NLK: variants seen among roughly 807,000 people sequenced by gnomAD.
NLK encodes the protein serine/threonine-protein kinase NLK.
In NLK, 11 loss-of-function variants were observed where a neutral mutation model predicts 59.0. That is an observed-to-expected ratio of 0.19 (90% CI 0.12 to 0.31). NLK has a LOEUF of 0.31. Ranked by LOEUF, NLK falls within the 10% of genes least tolerant of loss-of-function variation. The pLI is 1.00. For missense variants in NLK, 410 were observed against 661.1 expected (o/e 0.62, Z 4.16); for synonymous variants, 235 against 235.9 (o/e 1.00, Z 0.03).
intron 1 of NLK, among the ~76,000 whole-genome samples, chr17:28,064,214 TC>T (rs1223745258): frequency 7.2e-6 from 1 of 139,226 alleles, no homozygotes; most frequent in Non-Finnish European, 1.5e-5. Flanking sequence ...AGACAAGGTC[TC>T]ACTGTCTTGA....
chr17:28,055,522 G>T (rs546160187), intron 1 of NLK, among the ~76,000 whole-genome samples: 50 of 151,712 alleles, frequency 3.3e-4, no homozygotes, highest in African/African-American at 9.9e-4. Context: ...TTTTTAAGAG[G>T]TGGTGGTCCT....
chr17:28,051,974 A>G (rs1318955098), intron 1 of NLK, among the ~76,000 whole-genome samples: 1 of 152,100 alleles, frequency 6.6e-6, no homozygotes, highest in Non-Finnish European at 1.5e-5. Flanking sequence ...GGTGACTTTT[A>G]TAGAGTTTTC....
chr17:28,076,835 G>A (rs1305382910), intron 1 of NLK, among the ~76,000 whole-genome samples: 1 of 152,074 alleles, frequency 6.6e-6, no homozygotes, highest in Non-Finnish European at 1.5e-5. Flanking sequence ...CAAATTAAGT[G>A]CAATGTAGTA....
chr17:28,080,575 C>T (rs933959458), intron 1 of NLK, among the ~76,000 whole-genome samples: 3 of 152,034 alleles, frequency 2.0e-5, no homozygotes, highest in Non-Finnish European at 4.4e-5. Flanking sequence ...GTACAGAGCA[C>T]GCTTATGAAT....
At chr17:28,165,783 G>T (rs1450632852) in intron 5 of NLK, among the ~76,000 whole-genome samples, 1 of 151,958 alleles carries the variant, frequency 6.6e-6, no homozygotes, top group African/African-American at 2.4e-5. Context: ...ATAACAGAAG[G>T]CCTTTTTTTG....
At chr17:28,180,307 A>C (rs1385706173) in intron 7 of NLK, among the ~76,000 whole-genome samples, 1 of 152,178 alleles carries the variant, frequency 6.6e-6, no homozygotes, top group African/African-American at 2.4e-5. Flanking sequence ...TTCCATACCC[A>C]GTTGTCTTTA....
At chr17:28,101,302 C>A (rs970817003) in intron 1 of NLK, among the ~76,000 whole-genome samples, 1 of 152,150 alleles carries the variant, frequency 6.6e-6, no homozygotes, top group East Asian at 1.9e-4. Flanking sequence ...TTGCTTTCTT[C>A]AAAAAAGCCT....
At chr17:28,199,520 G>T (rs1909568912), downstream of NLK, among the ~76,000 whole-genome samples, 1 of 151,876 alleles carries the variant, frequency 6.6e-6, no homozygotes, top group Non-Finnish European at 1.5e-5. Flanking sequence ...ACAAAAATTA[G>T]CCAGGCGTGG....
intron 2 of NLK, 44 bp from the exon 3 acceptor site, chr17:28,132,576 C>A (rs374183672): frequency 2.7e-6 from 4 of 1,470,850 alleles, no homozygotes; most frequent in Admixed American, 1.9e-5. Context: ...AATTTTGTTT[C>A]CTTTTTTGTT....
At chr17:28,197,061 A>G (rs140067026), downstream of NLK, among the ~76,000 whole-genome samples, 25 of 152,336 alleles carry the variant, frequency 1.6e-4, no homozygotes, top group African/African-American at 6.0e-4. Context: ...TTGAATACTT[A>G]CTAAGTATAA....
At chr17:28,083,068 A>G (rs567035178) in intron 1 of NLK, among the ~76,000 whole-genome samples, 4 of 152,314 alleles carry the variant, frequency 2.6e-5, no homozygotes, top group Non-Finnish European at 4.4e-5. Flanking sequence ...CACTGTTCTT[A>G]TGATACCATT....
intron 1 of NLK, among the ~76,000 whole-genome samples, chr17:28,107,601 A>G (rs977965831): frequency 2.6e-5 from 4 of 152,172 alleles, no homozygotes; most frequent in Non-Finnish European, 4.4e-5. Flanking sequence ...AAACTCTAAG[A>G]ATAATGTAAA....
intron 1 of NLK, among the ~76,000 whole-genome samples, chr17:28,101,095 G>A (rs1379120810): frequency 3.3e-5 from 5 of 152,058 alleles, no homozygotes; most frequent in Non-Finnish European, 5.9e-5. Context: ...TGACATATAA[G>A]CATAGGTCTG....
intron 2 of NLK, among the ~76,000 whole-genome samples, chr17:28,124,920 A>G (rs942315762): frequency 2.0e-5 from 3 of 152,044 alleles, no homozygotes; most frequent in East Asian, 1.9e-4. Context: ...TTGGTGGCAC[A>G]TGCCTATAGT....
At chr17:28,099,800 G>A (rs1335537007) in intron 1 of NLK, among the ~76,000 whole-genome samples, 2 of 150,358 alleles carry the variant, frequency 1.3e-5, no homozygotes, top group African/African-American at 2.4e-5. Context: ...GGATGGTCTC[G>A]ATCTCCTGAC....
chr17:28,095,511 A>T (rs934474952), intron 1 of NLK, among the ~76,000 whole-genome samples: 1 of 152,210 alleles, frequency 6.6e-6, no homozygotes, highest in African/African-American at 2.4e-5. Context: ...TCCAAGTCTC[A>T]CTTCTAGAGG....
chr17:28,109,802 T>G (rs1905384122), intron 1 of NLK, among the ~76,000 whole-genome samples: 1 of 152,258 alleles, frequency 6.6e-6, no homozygotes, highest in Non-Finnish European at 1.5e-5. Flanking sequence ...ACATATGTCT[T>G]TGTGTGGACA....
At chr17:28,088,499 AT>A (rs1904363615) in intron 1 of NLK, among the ~76,000 whole-genome samples, 1 of 152,156 alleles carries the variant, frequency 6.6e-6, no homozygotes, top group Non-Finnish European at 1.5e-5. Context: ...TGCTTTATTC[AT>A]TTTCAAAATA....
chr17:28,172,569 C>T lies in NLK; in HGVS notation c.1100C>T (p.Thr367Ile). The T allele has an allele frequency of 6.3e-7, 1 of 1,597,728 alleles. No homozygotes were observed. The highest frequency in any genetic ancestry group is 8.5e-7 in the Non-Finnish European group (1 of 1,172,854). Residue 367 changes from threonine to isoleucine, a missense_variant, in exon 7 of 11, where the codon ACA becomes ATA. Physicochemically the swap from Thr to Ile is moderately conservative, Grantham distance 89 (BLOSUM62 -1). Around this residue, in one of 5 missense-constraint regions of NLK, gnomAD observed 150 missense variants for 244.3 expected, o/e 0.61. Coordinates refer to ENST00000407008, the MANE Select transcript of NLK (RefSeq NM_016231.5). The stretch of plus-strand genomic sequence containing the variant: ...ACACCATCACTGGAAGCAATGAGGA[C>T]AGCTTGTGAAGGCGCTAAGGCACAT... ...LGTPSLEAMR[T>I]ACEGAKAHIL...
Sources: gnomAD v4.1 joint callset for allele counts (sites outside exome capture counted in the v4.1 genomes callset) on GRCh38, gnomAD v4.1.1 for gene constraint, gnomAD v4.1.1 regional missense constraint, MANE v1.5 for transcripts, NCBI Gene and HGNC (gene_info 2026-07-23, HGNC 2026-07-21) for gene names.